SOS1: variants seen among roughly 807,000 people sequenced by gnomAD.
The protein encoded by SOS1 is son of sevenless homolog 1.
A neutral mutation model predicts 157.6 loss-of-function variants in SOS1; 25 were observed. That is an observed-to-expected ratio of 0.16 (90% CI 0.12 to 0.22). SOS1 has a LOEUF of 0.22. Among genes scored for constraint, SOS1 ranks in the 10% least tolerant of loss-of-function variants. The pLI is 1.00. For missense variants in SOS1, 1,237 were observed against 1,599.1 expected, an observed-to-expected ratio of 0.77 and a Z score of 3.86; for synonymous variants, 528 against 534.0, an observed-to-expected ratio of 0.99 and a Z score of 0.16.
chr2:38,986,354 A>C, intron 22 of SOS1, 39 bp from the exon 23 acceptor site: 3 of 1,542,470 alleles, frequency 1.9e-6, no homozygotes, highest in South Asian at 2.3e-5. Context: ...TTTATTAATA[A>C]ATTTATGAAG....
intron 5 of SOS1, among the ~76,000 whole-genome samples, chr2:39,052,461 A>G (rs1373607433): frequency 6.6e-6 from 1 of 152,076 alleles, no homozygotes. Flanking sequence ...CCCCATTTCC[A>G]TCAACCCTTA....
chr2:39,091,417 C>T (rs1672590222), intron 1 of SOS1, among the ~76,000 whole-genome samples: 1 of 152,034 alleles, frequency 6.6e-6, no homozygotes, highest in African/African-American at 2.4e-5. Flanking sequence ...CCTGTGAATC[C>T]AAATGAAAAA....
intron 1 of SOS1, among the ~76,000 whole-genome samples, chr2:39,076,728 G>T (rs565986200): frequency 6.6e-6 from 1 of 151,946 alleles, no homozygotes; most frequent in Non-Finnish European, 1.5e-5. Context: ...TTAAAACCAG[G>T]GACAAGACAA....
At chr2:39,094,319 A>C (rs942876210) in intron 1 of SOS1, among the ~76,000 whole-genome samples, 1 of 152,156 alleles carries the variant, frequency 6.6e-6, no homozygotes. Context: ...AATGCATACA[A>C]ACAGTACTTT....
intron 17 of SOS1, among the ~76,000 whole-genome samples, chr2:39,003,794 C>G (rs1273999411): frequency 1.3e-5 from 2 of 152,094 alleles, no homozygotes; most frequent in African/African-American, 2.4e-5. Context: ...CCTGAAGAAC[C>G]AACTTTATCA....
chr2:39,014,058 A>C, intron 11 of SOS1, 69 bp from the exon 12 acceptor site: 1 of 1,204,830 alleles, frequency 8.3e-7, no homozygotes, highest in Non-Finnish European at 1.2e-6. Flanking sequence ...AAAACCACAA[A>C]CGTTTTCACC....
At chr2:39,115,320 ACT>A (rs1456129673) in intron 1 of SOS1, among the ~76,000 whole-genome samples, 1 of 145,906 alleles carries the variant, frequency 6.9e-6, no homozygotes, top group Non-Finnish European at 1.5e-5. Flanking sequence ...TATAGTATAT[ACT>A]CTTTTTTGGT....
chr2:38,996,737 T>C (rs1214232967), intron 19 of SOS1, among the ~76,000 whole-genome samples, 185 bp downstream of exon 19: 2 of 152,216 alleles, frequency 1.3e-5, no homozygotes, highest in Admixed American at 1.3e-4. Context: ...TATCAGGATT[T>C]ACTCAAATTA....
Position 39,040,733 on chromosome 2 carries a change from C to A in SOS1, c.865-5233G>T, listed in dbSNP as rs1451739767. On this transcript the variant is annotated intron_variant, in intron 6 of 22. Coordinates refer to ENST00000402219, the MANE Select transcript of SOS1 (RefSeq NM_005633.4). ...TATTTACCATATACATTTAATTTAA[C>A]CATTCATCTGTTGATGGACATGTGA... Among the ~76,000 whole-genome samples, 4 of 152,268 alleles carry A rather than the reference C, an allele frequency of 2.6e-5. No individual in the cohort carries two copies. The East Asian group carries it at 7.7e-4, about 29-fold the overall frequency.
chr2:39,095,568 C>T (rs1672742380), intron 1 of SOS1, among the ~76,000 whole-genome samples: 1 of 152,168 alleles, frequency 6.6e-6, no homozygotes, highest in South Asian at 2.1e-4. Context: ...TGAAATAAGT[C>T]CTCATTCTCC....
intron 1 of SOS1, among the ~76,000 whole-genome samples, chr2:39,100,868 G>A (rs1230017358): frequency 2.0e-5 from 3 of 152,116 alleles, no homozygotes; most frequent in Admixed American, 6.5e-5. Flanking sequence ...GCAGTGAGCC[G>A]AGACTGCACC....
intron 14 of SOS1, among the ~76,000 whole-genome samples, chr2:39,011,401 T>C (rs1669466794): frequency 2.0e-5 from 3 of 152,034 alleles, no homozygotes; most frequent in African/African-American, 7.2e-5. Context: ...GAGGGTACAG[T>C]AATCAATGCA....
intron 2 of SOS1, among the ~76,000 whole-genome samples, chr2:39,065,679 T>A (rs1223892288): frequency 1.3e-5 from 2 of 152,330 alleles, no homozygotes; most frequent in African/African-American, 4.8e-5. Context: ...GAATGCATGC[T>A]CAAAAAGCTA....
chr2:39,012,324 T>G lies in SOS1; in HGVS notation c.2192A>C (p.Glu731Ala). Residue 731 changes from glutamate (E) to alanine (A), a missense_variant, in exon 14 of 23, where the codon GAA (glutamate) becomes GCA (alanine). Around this residue, in one of 15 missense-constraint regions of SOS1, gnomAD observed 42 missense variants for 80.4 expected, o/e 0.52. Coordinates refer to ENST00000402219, the MANE Select transcript of SOS1 (RefSeq NM_005633.4). ...CCTTTGGATTATTTTAGTGATGGAT[T>G]CAACCCATTTTTTCATTGCTTTACC... ...VRGKAMKKWV[E>A]SITKIIQRKK... The G allele has an allele frequency of 6.2e-7, 1 of 1,605,834 alleles. No individual in the cohort carries two copies. The highest frequency in any genetic ancestry group is 1.3e-5 in the African/African-American group (1 of 74,868).
At chr2:39,015,445 T>C (rs2124521417) in intron 10 of SOS1, among the ~76,000 whole-genome samples, 1 of 152,220 alleles carries the variant, frequency 6.6e-6, no homozygotes, top group Admixed American at 6.6e-5. Context: ...TGATAGAATA[T>C]GTTGGTTTGG....
chr2:39,083,616 T>C (rs1672282136), intron 1 of SOS1, among the ~76,000 whole-genome samples: 1 of 152,156 alleles, frequency 6.6e-6, no homozygotes, highest in Non-Finnish European at 1.5e-5. Context: ...GAAAAAGTTA[T>C]TCTCATACCT....
intron 6 of SOS1, among the ~76,000 whole-genome samples, chr2:39,041,703 C>T (rs193064504): frequency 6.6e-6 from 1 of 152,134 alleles, no homozygotes; most frequent in Non-Finnish European, 1.5e-5. Flanking sequence ...GTACATGGTT[C>T]CAACTTCATT....
intron 1 of SOS1, among the ~76,000 whole-genome samples, chr2:39,070,254 T>C (rs1671750448): frequency 6.6e-6 from 1 of 152,230 alleles, no homozygotes; most frequent in South Asian, 2.1e-4. Context: ...ATAACCTTTA[T>C]CTTAATGAAC....
intron 1 of SOS1, among the ~76,000 whole-genome samples, chr2:39,080,618 C>A (rs1395026859): frequency 6.6e-6 from 1 of 152,056 alleles, no homozygotes; most frequent in African/African-American, 2.4e-5. Context: ...CAGTATATCA[C>A]TTTTTAAAGT....
Sources: allele counts gnomAD v4.1 joint callset (sites outside exome capture counted in the v4.1 genomes callset), GRCh38; gene constraint gnomAD v4.1.1; regional missense constraint gnomAD v4.1.1; transcripts MANE v1.5; gene names NCBI Gene and HGNC (gene_info 2026-07-23, HGNC 2026-07-21).